Variants in SLC9A9 observed in about 807,000 individuals in gnomAD.
SLC9A9 encodes the protein sodium/hydrogen exchanger 9.
Under a neutral mutation model 77.8 loss-of-function variants are expected in SLC9A9, and 62 were observed. The ratio of observed to expected loss-of-function variants is 0.80; its 90% CI spans 0.65 to 0.98. The LOEUF is 0.98. Ranked by LOEUF, SLC9A9 falls within the 50% of genes least tolerant of loss-of-function variation. The pLI, the probability that SLC9A9 is intolerant of heterozygous loss-of-function variation, is 0.00. For missense variants in SLC9A9, 775 were observed against 774.9 expected (o/e 1.00, Z 0.00); for synonymous variants, 320 against 283.5 (o/e 1.13, Z -1.29).
At chr3:143,385,000 T>G (rs2293330) in intron 12 of SLC9A9, among the ~76,000 whole-genome samples, 126,268 of 152,220 alleles carry the variant, frequency 0.83, 52,527 homozygotes, top group African/African-American at 0.86. Flanking sequence ...CCTTAAATAG[T>G]GTGTAAGGGG....
intron 5 of SLC9A9, among the ~76,000 whole-genome samples, chr3:143,683,791 A>G (rs1933177533): frequency 6.6e-6 from 1 of 152,140 alleles, no homozygotes; most frequent in African/African-American, 2.4e-5. Context: ...ATCACATTAC[A>G]TATATTACAC....
intron 13 of SLC9A9, among the ~76,000 whole-genome samples, chr3:143,374,580 G>T (rs2033137652): frequency 6.6e-6 from 1 of 151,734 alleles, no homozygotes; most frequent in Non-Finnish European, 1.5e-5. Context: ...TAAAGAAACA[G>T]GAAAATTCCT....
At chr3:143,722,483 A>AAAAAAAG (rs1472840311) in intron 4 of SLC9A9, among the ~76,000 whole-genome samples, 1 of 150,540 alleles carries the variant, frequency 6.6e-6, no homozygotes, top group East Asian at 1.9e-4. Context: ...AAAAAAAAAA[A>AAAAAAAG]AAAAAAAAAA....
chr3:143,604,930 C>T (rs927358284), intron 6 of SLC9A9, among the ~76,000 whole-genome samples: 4 of 152,162 alleles, frequency 2.6e-5, no homozygotes, highest in Admixed American at 6.5e-5. Flanking sequence ...AGGGCCCCTC[C>T]GGTTGAAACA....
chr3:143,582,586 C>G (rs757625694), intron 6 of SLC9A9, among the ~76,000 whole-genome samples: 1 of 152,150 alleles, frequency 6.6e-6, no homozygotes, highest in Non-Finnish European at 1.5e-5. Flanking sequence ...TGCATAAGAA[C>G]AACAGGGTGT....
intron 14 of SLC9A9, among the ~76,000 whole-genome samples, chr3:143,285,158 C>G (rs575284005): frequency 2.0e-5 from 3 of 152,192 alleles, no homozygotes; most frequent in African/African-American, 7.2e-5. Context: ...TAGGTACACA[C>G]GTGCCATGGT....
intron 2 of SLC9A9, among the ~76,000 whole-genome samples, chr3:143,831,556 A>G (rs1436367445): frequency 7.9e-5 from 12 of 152,192 alleles, no homozygotes; most frequent in Admixed American, 7.9e-4. Context: ...TTGTGTTGGT[A>G]GCCAAAAGCC....
chr3:143,488,499 C>A (rs987498869), intron 11 of SLC9A9, among the ~76,000 whole-genome samples: 4 of 151,806 alleles, frequency 2.6e-5, no homozygotes, highest in Non-Finnish European at 5.9e-5. Context: ...AAATTCTCAA[C>A]AAAAAACTAG....
intron 8 of SLC9A9, among the ~76,000 whole-genome samples, chr3:143,573,382 C>T (rs1269007025): frequency 6.6e-6 from 1 of 152,074 alleles, no homozygotes; most frequent in African/African-American, 2.4e-5. Flanking sequence ...TTGCTGGAAG[C>T]CATGGAGATT....
At chr3:143,490,068 G>A (rs2035713564) in intron 11 of SLC9A9, among the ~76,000 whole-genome samples, 1 of 152,132 alleles carries the variant, frequency 6.6e-6, no homozygotes, top group Non-Finnish European at 1.5e-5. Flanking sequence ...GGCACTGTTG[G>A]TAGAAATATA....
chr3:143,408,755 A>T (rs1037256117), intron 12 of SLC9A9, among the ~76,000 whole-genome samples: 1 of 152,356 alleles, frequency 6.6e-6, no homozygotes, highest in East Asian at 1.9e-4. Context: ...AAGTAATGTT[A>T]GTACATAGAA....
chr3:143,707,608 A>G (rs1002855956), intron 4 of SLC9A9, among the ~76,000 whole-genome samples: 4 of 152,242 alleles, frequency 2.6e-5, no homozygotes, highest in African/African-American at 9.7e-5. Flanking sequence ...ACAGAATATC[A>G]TAATGAGATG....
chr3:143,685,905 C>T (rs768512756), intron 5 of SLC9A9, among the ~76,000 whole-genome samples: 3 of 152,130 alleles, frequency 2.0e-5, no homozygotes, highest in Non-Finnish European at 2.9e-5. Context: ...GAAATATTTG[C>T]TACATGGTTG....
chr3:143,728,385 C>T (rs563084569), intron 4 of SLC9A9, among the ~76,000 whole-genome samples: 27 of 151,980 alleles, frequency 1.8e-4, no homozygotes, highest in Admixed American at 6.6e-4. Context: ...GAAGAGCATT[C>T]CATGCAGGGA....
intron 6 of SLC9A9, among the ~76,000 whole-genome samples, chr3:143,619,672 T>A (rs934854228): frequency 6.6e-6 from 1 of 152,222 alleles, no homozygotes; most frequent in Admixed American, 6.5e-5. Flanking sequence ...AAACTAGCTC[T>A]CATTAATCTC....
At chr3:143,412,808 G>A (rs916301014) in intron 12 of SLC9A9, among the ~76,000 whole-genome samples, 4 of 152,208 alleles carry the variant, frequency 2.6e-5, no homozygotes, top group African/African-American at 9.6e-5. Context: ...GTGAAGGCAG[G>A]TTCCAGGTCT....
chr3:143,663,572 A>C (rs747239311), intron 5 of SLC9A9, among the ~76,000 whole-genome samples: 2 of 152,234 alleles, frequency 1.3e-5, no homozygotes, highest in Non-Finnish European at 2.9e-5. Flanking sequence ...ACCTTGAAAA[A>C]AGATTAGATG....
intron 10 of SLC9A9, among the ~76,000 whole-genome samples, chr3:143,494,065 T>A (rs967680031): frequency 6.6e-6 from 1 of 152,220 alleles, no homozygotes; most frequent in Non-Finnish European, 1.5e-5. Flanking sequence ...CTGACTATCC[T>A]CAATTCTGCT....
intron 9 of SLC9A9, among the ~76,000 whole-genome samples, chr3:143,523,674 G>C (rs1291585217): frequency 6.6e-6 from 1 of 151,970 alleles, no homozygotes; most frequent in Non-Finnish European, 1.5e-5. Flanking sequence ...TCCCTTTCTG[G>C]CAAACATGAA....
Sources: gnomAD v4.1 joint callset for allele counts (sites outside exome capture counted in the v4.1 genomes callset) on GRCh38, gnomAD v4.1.1 for gene constraint, MANE v1.5 for transcripts, NCBI Gene and HGNC (gene_info 2026-07-23, HGNC 2026-07-21) for gene names.